The following MTHFD1 variants were observed in gnomAD, a reference collection of about 807,000 sequenced individuals.
The protein encoded by MTHFD1 is methylenetetrahydrofolate dehydrogenase, cyclohydrolase and formyltetrahydrofolate synthetase 1.
Under a neutral mutation model 110.3 loss-of-function variants are expected in MTHFD1, and 44 were observed. The ratio of observed to expected loss-of-function variants is 0.40; its 90% CI spans 0.31 to 0.51. The LOEUF is 0.51. Among genes scored for constraint, MTHFD1 ranks in the 20% least tolerant of loss-of-function variants. The probability of loss-of-function intolerance (pLI) is 0.60; values close to 1 mark genes in which losing one functional copy is unlikely to be tolerated. For synonymous variants in MTHFD1, 402 were observed against 428.8 expected (o/e 0.94, Z 0.77); for missense variants, 909 against 1,173.1 (o/e 0.77, Z 3.29).
intron 23 of MTHFD1, chr14:64,449,020 C>T (rs1409285314): frequency 4.6e-5 from 14 of 307,508 alleles, no homozygotes; most frequent in Non-Finnish European, 8.3e-5. Context: ...AGGATGGTCT[C>T]GATCTCCTGA....
At position 64,430,108 on chromosome 14, in the gene MTHFD1, C is replaced by T. The variant is rs376518121; in HGVS notation, c.1265-76C>T. 5.8e-5 allele frequency: 68 copies of T among 1,180,862 alleles called. No homozygotes were observed. The South Asian group carries it at 7.4e-4, about 13-fold the overall frequency. The allele number at this position is 1,180,862 out of a possible 1,614,324, so 73.1% of individuals were successfully genotyped here. ...AATGTGCTTAGTAGTTACAATAATG[C>T]ATTTGCATTTATTTGATTTCTAAGT... On this transcript the variant is annotated intron_variant, in intron 12 of 27. Coordinates refer to ENST00000652337, the MANE Select transcript of MTHFD1 (RefSeq NM_005956.4).
intron 8 of MTHFD1, among the ~76,000 whole-genome samples, chr14:64,421,826 C>T (rs920928187): frequency 2.0e-4 from 31 of 151,750 alleles, no homozygotes; most frequent in Non-Finnish European, 2.6e-4. Flanking sequence ...GGGGTTTCAC[C>T]ATGTTAGCCA....
chr14:64,406,865 T>C (rs565182895), intron 2 of MTHFD1, among the ~76,000 whole-genome samples: 1 of 152,122 alleles, frequency 6.6e-6, no homozygotes, highest in Non-Finnish European at 1.5e-5. Flanking sequence ...TGTTTTATAC[T>C]ACCCTACGAT....
chr14:64,440,842 G>A (rs2078241631), intron 18 of MTHFD1: 1 of 226,928 alleles, frequency 4.4e-6, no homozygotes, highest in African/African-American at 2.3e-5. Flanking sequence ...TAAGATGCTT[G>A]TTTCTAGAGT....
chr14:64,408,708 T>G (rs1174555797), intron 2 of MTHFD1, among the ~76,000 whole-genome samples: 1 of 152,190 alleles, frequency 6.6e-6, no homozygotes, highest in Non-Finnish European at 1.5e-5. Flanking sequence ...CCTAGCACTT[T>G]GGCAGGCTGA....
chr14:64,428,679 A>C (rs892853787), intron 12 of MTHFD1, among the ~76,000 whole-genome samples: 4 of 148,744 alleles, frequency 2.7e-5, no homozygotes, highest in African/African-American at 9.9e-5. Context: ...TCAGCCTCCC[A>C]AGTAGCTGGG....
rs747268017 is a variant in MTHFD1, at chr14:64,426,186, T to C, written c.1121T>C (p.Val374Ala). Residue 374 changes from valine to alanine, a missense_variant, in exon 11 of 28, where the codon GTG becomes GCG. This residue lies in a region of MTHFD1 where 424 missense variants were observed against 510.4 expected (regional missense o/e 0.83). Coordinates refer to ENST00000652337, the MANE Select transcript of MTHFD1 (RefSeq NM_005956.4). Reference sequence around the variant, plus strand: ...CGGCCTGATGGGAAATACGTGGTGGTGACTGGGTATGCTTTTTATTCATGT... The same window carrying C: ...CGGCCTGATGGGAAATACGTGGTGGCGACTGGGTATGCTTTTTATTCATGT... ...KHRPDGKYVV[V>A]TGITPTPLGE... 1 of 1,614,124 alleles carries C rather than the reference T, an allele frequency of 6.2e-7. No individual in the cohort carries two copies. The highest frequency in any genetic ancestry group is 1.1e-5 in the South Asian group (1 of 91,072).
chr14:64,389,838 GC>G (rs1471753091), intron 1 of MTHFD1, among the ~76,000 whole-genome samples: 1 of 152,010 alleles, frequency 6.6e-6, no homozygotes, highest in Non-Finnish European at 1.5e-5. Context: ...TTTTCCAGTG[GC>G]TTTTTGTTTT....
chr14:64,454,785 G>A lies in MTHFD1; in HGVS notation c.2628G>A (p.Glu876=), dbSNP rs145762961. 2.4e-4 allele frequency: 386 copies of A among 1,614,052 alleles called. 1 individual carries two copies. Among genetic ancestry groups the A allele is most frequent in the East Asian group, 3.3e-4 (15 of 44,872 alleles). The change falls in exon 26 of 28, where the codon GAG becomes GAA. Residue 876 remains glutamate, a synonymous_variant. Transcript: ENST00000652337. ...KTHLSLSHNP[E]QKGVPTGFIL... Reference sequence around the variant, plus strand: ...ACTTGTCTTTGTCTCACAACCCAGAGCAAAAAGGTGTCCCTACAGGCTTCA... The same window carrying A: ...ACTTGTCTTTGTCTCACAACCCAGAACAAAAAGGTGTCCCTACAGGCTTCA...
chr14:64,456,134 A>G (rs1431518823), intron 26 of MTHFD1, among the ~76,000 whole-genome samples: 1 of 152,254 alleles, frequency 6.6e-6, no homozygotes, highest in Non-Finnish European at 1.5e-5. Context: ...GGGTAACAGT[A>G]GAGGTGAAAG....
intron 1 of MTHFD1, among the ~76,000 whole-genome samples, chr14:64,398,241 C>A (rs2077872477): frequency 6.6e-6 from 1 of 152,136 alleles, no homozygotes. Context: ...AAAACAAAGT[C>A]ACTAACTAGA....
intron 22 of MTHFD1, 71 bp downstream of exon 22, chr14:64,444,805 C>T (rs777272142): frequency 6.5e-7 from 1 of 1,540,760 alleles, no homozygotes; most frequent in Non-Finnish European, 9.0e-7. Flanking sequence ...CTCCACCTGG[C>T]CCATGTGGAA....
chr14:64,422,678 C>T (rs574694501), intron 8 of MTHFD1, among the ~76,000 whole-genome samples: 1 of 152,168 alleles, frequency 6.6e-6, no homozygotes, highest in South Asian at 2.1e-4. Flanking sequence ...TATTAGGGTC[C>T]CCAAATTAAA....
chr14:64,433,713 C>CA (rs2078180552), intron 15 of MTHFD1, among the ~76,000 whole-genome samples: 1 of 133,256 alleles, frequency 7.5e-6, no homozygotes, highest in Non-Finnish European at 1.6e-5. Context: ...CTGAGCTCAG[C>CA]ATTTTTTTTT....
chr14:64,444,823 G>A lies in MTHFD1; in HGVS notation c.2178+89G>A. 6.2e-6 allele frequency: 9 copies of A among 1,443,938 alleles called. No individual in the cohort carries two copies. The South Asian group carries it at 1.0e-4, about 17-fold the overall frequency. 89.4% of individuals were successfully genotyped at this position (1,443,938 alleles called of 1,614,324 possible). A position where few individuals can be genotyped will look rare whatever the true frequency, so the allele number is the denominator to read the frequency against. ...CACCTGGCCCATGTGGAAATGAATGGGTTATTGCTGTGACCCAGGGTGCAG... is the reference window on the plus strand; with the variant it reads ...CACCTGGCCCATGTGGAAATGAATGAGTTATTGCTGTGACCCAGGGTGCAG... On this transcript the variant is annotated intron_variant, in intron 22 of 27. Coordinates refer to ENST00000652337, the MANE Select transcript of MTHFD1 (RefSeq NM_005956.4).
chr14:64,414,977 C>G (rs1193993244), intron 4 of MTHFD1, among the ~76,000 whole-genome samples: 1 of 152,188 alleles, frequency 6.6e-6, no homozygotes, highest in Non-Finnish European at 1.5e-5. Flanking sequence ...TCGTGAACCA[C>G]CGCACCCAGC....
intron 1 of MTHFD1, among the ~76,000 whole-genome samples, chr14:64,390,898 C>T (rs2077799010): frequency 1.3e-5 from 2 of 152,158 alleles, no homozygotes; most frequent in African/African-American, 4.8e-5. Context: ...ATCCACCCAC[C>T]TCGGCCTCCC....
chr14:64,424,747 T>C (rs962929690), intron 8 of MTHFD1, 57 bp from the exon 9 acceptor site: 33 of 1,603,384 alleles, frequency 2.1e-5, no homozygotes, highest in Non-Finnish European at 2.7e-5. Context: ...TTGTCGTAAC[T>C]GATCACCAGG....
At chr14:64,419,610 T>C (rs980455928) in intron 7 of MTHFD1, among the ~76,000 whole-genome samples, 2 of 152,186 alleles carry the variant, frequency 1.3e-5, no homozygotes, top group South Asian at 2.1e-4. Flanking sequence ...CTCTTTGGCA[T>C]GTGTAGAAAT....
Sources: gnomAD v4.1 joint callset for allele counts (sites outside exome capture counted in the v4.1 genomes callset) on GRCh38, gnomAD v4.1.1 for gene constraint, gnomAD v4.1.1 regional missense constraint, MANE v1.5 for transcripts, NCBI Gene and HGNC (gene_info 2026-07-23, HGNC 2026-07-21) for gene names.